Variants in RNPS1 observed in about 807,000 individuals in gnomAD.
The protein encoded by RNPS1 is RNA binding protein with serine rich domain 1.
For synonymous variants in RNPS1, 147 were observed against 150.0 expected, an observed-to-expected ratio of 0.98 and a Z score of 0.15; for missense variants, 300 against 427.6, an observed-to-expected ratio of 0.70 and a Z score of 2.63.
chr16:2,267,952 C>A, intron 1 of RNPS1, 103 bp downstream of exon 1: 2 of 1,530,546 alleles, frequency 1.3e-6, no homozygotes, highest in East Asian at 4.9e-5. Flanking sequence ...AGGCCACCGC[C>A]GCACTGCGGG....
intron 6 of RNPS1, among the ~76,000 whole-genome samples, chr16:2,258,983 T>C (rs528208055): frequency 6.6e-6 from 1 of 151,046 alleles, no homozygotes; most frequent in East Asian, 2.0e-4. Context: ...ATTAGCTGGA[T>C]ATAGTGGAGG....
intron 2 of RNPS1, 71 bp downstream of exon 2, chr16:2,264,502 T>C: frequency 6.4e-7 from 1 of 1,556,216 alleles, no homozygotes; most frequent in African/African-American, 1.4e-5. Flanking sequence ...ATTCTCAACT[T>C]TCCCCTTTCT....
chr16:2,265,643 C>A (rs2093622235), intron 1 of RNPS1: 2 of 152,128 alleles, frequency 1.3e-5, no homozygotes, highest in African/African-American at 4.8e-5. Flanking sequence ...CGCCACCAGG[C>A]CTAGCTAATT....
rs1408018267 is a variant in RNPS1, at chr16:2,267,416, C to T, written c.-118+639G>A. ...ACAAACTTAACCTTCCCGTATCCGC[C>T]CCTCTGGGGTAACCCATCAAACTGA... is the stretch of plus-strand genomic sequence containing the variant. On this transcript the variant is annotated intron_variant, in intron 1 of 7. Coordinates refer to ENST00000320225, the MANE Select transcript of RNPS1 (RefSeq NM_080594.4). 3.1e-6 allele frequency: 3 copies of T among 977,836 alleles called. No individual in the cohort carries two copies. The African/African-American group carries it at 5.3e-5, about 17-fold the overall frequency. 60.6% of individuals were successfully genotyped at this position (977,836 alleles called of 1,614,324 possible). A position where few individuals can be genotyped will look rare whatever the true frequency, so the allele number is the denominator to read the frequency against.
At chr16:2,263,802 C>G (rs1325260063) in intron 3 of RNPS1, 1 of 272,132 alleles carries the variant, frequency 3.7e-6, no homozygotes, top group East Asian at 9.9e-5. Context: ...TCCTCAAACT[C>G]CTGGGCTCAA....
chr16:2,256,284 G>A (rs542267894), intron 6 of RNPS1: 2 of 156,898 alleles, frequency 1.3e-5, no homozygotes, highest in African/African-American at 2.4e-5. Context: ...CTGGAGGCCA[G>A]ACGCGGAGGC....
At position 2,255,893 on chromosome 16, in the gene RNPS1, T is replaced by A. The variant is rs1225535184; in HGVS notation, c.677-167A>T. ...CTGTAATCCCAGCACTTTGGGAAGC[T>A]GAGGCAGGTGGATCACGAGGTCAGG... On this transcript the variant is annotated intron_variant, in intron 6 of 7. Transcript: ENST00000320225. 3 of 686,048 alleles carry A rather than the reference T, an allele frequency of 4.4e-6. No homozygotes were observed. The African/African-American group carries it at 5.4e-5, about 12-fold the overall frequency. The allele number at this position is 686,048 out of a possible 1,614,324, so 42.5% of individuals were successfully genotyped here.
intron 3 of RNPS1, among the ~76,000 whole-genome samples, chr16:2,263,516 C>T (rs1024353665): frequency 6.6e-6 from 1 of 152,156 alleles, no homozygotes; most frequent in African/African-American, 2.4e-5. Flanking sequence ...TGCCTTCTAC[C>T]CATACAGAAG....
At chr16:2,257,994 C>T (rs949263195) in intron 6 of RNPS1, 3 of 152,192 alleles carry the variant, frequency 2.0e-5, no homozygotes, top group African/African-American at 7.2e-5. Flanking sequence ...CTCCACATGC[C>T]TCAAAATGCT....
At chr16:2,257,486 A>G (rs2141549102) in intron 6 of RNPS1, 1 of 152,322 alleles carries the variant, frequency 6.6e-6, no homozygotes, top group South Asian at 2.1e-4. Flanking sequence ...CTCATCTCCT[A>G]TGGAGACAGC....
At chr16:2,258,043 G>A (rs2093586412) in intron 6 of RNPS1, 1 of 152,118 alleles carries the variant, frequency 6.6e-6, no homozygotes, top group Non-Finnish European at 1.5e-5. Context: ...TATTCACAAG[G>A]GTCCATGTGC....
rs2093632200 is a variant in RNPS1, at chr16:2,267,922, G to A, written c.-118+133C>T. 6 of 1,529,868 alleles carry A rather than the reference G, an allele frequency of 3.9e-6. No individual in the cohort carries two copies. The African/African-American group carries it at 4.1e-5, about 11-fold the overall frequency. The allele number at this position is 1,529,868 out of a possible 1,614,324, so 94.8% of individuals were successfully genotyped here. A position where few individuals can be genotyped will look rare whatever the true frequency, so the allele number is the denominator to read the frequency against. On this transcript the variant is annotated intron_variant, in intron 1 of 7. Transcript: ENST00000320225. Reference sequence around the variant, plus strand: ...GCCCCGGGCCACACTCTTTCTTCTCGGAGCCCGCACCGCGCTGCCAGGCCA... The same window carrying A: ...GCCCCGGGCCACACTCTTTCTTCTCAGAGCCCGCACCGCGCTGCCAGGCCA...
rs747308429 is a variant in RNPS1 at position 2,264,350 on chromosome 16, T to C, written c.72-19A>G. 3.1e-6 allele frequency: 5 copies of C among 1,613,750 alleles called. No individual in the cohort carries two copies. The highest frequency in any genetic ancestry group is 3.4e-6 in the Non-Finnish European group (4 of 1,179,926). On this transcript the variant is annotated intron_variant, in intron 2 of 7. Transcript: ENST00000320225. ...AGGAGCCCTGGATGGTGAGGAAGAG[T>C]GTGAGATTGCGTGCTCCTCTGACCA...
intron 7 of RNPS1, among the ~76,000 whole-genome samples, chr16:2,255,279 C>T (rs2093572764): frequency 6.6e-6 from 1 of 152,204 alleles, no homozygotes; most frequent in Non-Finnish European, 1.5e-5. Context: ...CCTAGCTCTT[C>T]TTGTTAGCTC....
intron 6 of RNPS1, among the ~76,000 whole-genome samples, chr16:2,261,617 T>TA (rs2093603454): frequency 6.6e-6 from 1 of 152,226 alleles, no homozygotes; most frequent in Admixed American, 6.5e-5. Flanking sequence ...TCTGAGTAGT[T>TA]AAATATTAAA....
At chr16:2,263,055 C>G in intron 4 of RNPS1, 41 bp downstream of exon 4, 1 of 1,595,532 alleles carries the variant, frequency 6.3e-7, no homozygotes, top group African/African-American at 1.3e-5. Flanking sequence ...ATCTGTAGCC[C>G]CGAGCTTGTA....
At chr16:2,263,372 A>G (rs995981302) in intron 3 of RNPS1, 85 bp from the exon 4 acceptor site, 23 of 1,378,334 alleles carry the variant, frequency 1.7e-5, no homozygotes, top group Admixed American at 5.7e-5. Flanking sequence ...TGCTCCCCCC[A>G]GGAGAAACCT....
chr16:2,259,903 T>C (rs1438512311), intron 6 of RNPS1, among the ~76,000 whole-genome samples: 2 of 152,094 alleles, frequency 1.3e-5, no homozygotes, highest in Non-Finnish European at 2.9e-5. Context: ...AAAAGAAAGG[T>C]AAAGCGTTCA....
chr16:2,253,581 C>A lies in RNPS1; in HGVS notation c.*383G>T, dbSNP rs1243636009. 2 of 353,336 alleles carry A rather than the reference C, an allele frequency of 5.7e-6. No homozygotes were observed. The highest frequency in any genetic ancestry group is 1.1e-5 in the Non-Finnish European group (2 of 186,510). The allele number at this position is 353,336 out of a possible 1,614,324, so 21.9% of individuals were successfully genotyped here. ...CAGCTCCCTTTCCAAAAGGACACTG[C>A]CCAGCAACAGCAAGGGCACGGCCTG... On this transcript the variant is annotated 3_prime_UTR_variant, in exon 8 of 8. Transcript: ENST00000320225.
Sources: gnomAD v4.1 joint callset for allele counts (sites outside exome capture counted in the v4.1 genomes callset) on GRCh38, gnomAD v4.1.1 for gene constraint, MANE v1.5 for transcripts, NCBI Gene and HGNC (gene_info 2026-07-23, HGNC 2026-07-21) for gene names.